RORB: variants seen among roughly 807,000 people sequenced by gnomAD.
The protein encoded by RORB is nuclear receptor ROR-beta.
RORB carries 6 observed loss-of-function variants against 59.1 expected under a neutral mutation model. The observed-to-expected ratio is 0.10, with a 90% CI of 0.06 to 0.20. The LOEUF is 0.20. Among genes scored for constraint, RORB ranks in the 10% least tolerant of loss-of-function variants. The pLI is 1.00. For synonymous variants in RORB, 215 were observed against 204.5 expected (o/e 1.05, Z -0.44); for missense variants, 320 against 560.5 (o/e 0.57, Z 4.33).
intron 1 of RORB, chr9:74,498,618 C>G (rs908435126): frequency 6.6e-6 from 1 of 152,492 alleles, no homozygotes; most frequent in Non-Finnish European, 1.5e-5. Flanking sequence ...TGCGCCCTGG[C>G]CAGGTCCTCG....
intron 1 of RORB, among the ~76,000 whole-genome samples, chr9:74,528,965 G>T (rs1373500461): frequency 6.6e-6 from 1 of 151,976 alleles, no homozygotes; most frequent in Non-Finnish European, 1.5e-5. Flanking sequence ...AGACCAGCAG[G>T]ATTCAAATTC....
chr9:74,578,327 G>A (rs754338979), intron 1 of RORB, among the ~76,000 whole-genome samples: 25 of 152,224 alleles, frequency 1.6e-4, no homozygotes, highest in Middle Eastern at 3.4e-3. Context: ...GAGAAAGAAA[G>A]CAGTAAATGT....
chr9:74,572,910 C>A (rs1383368991), intron 1 of RORB, among the ~76,000 whole-genome samples: 3 of 152,136 alleles, frequency 2.0e-5, no homozygotes, highest in South Asian at 2.1e-4. Context: ...GCATATCGAA[C>A]AACTGTTCCA....
intron 1 of RORB, among the ~76,000 whole-genome samples, chr9:74,582,923 G>A (rs1025921008): frequency 1.3e-5 from 2 of 152,130 alleles, no homozygotes; most frequent in African/African-American, 2.4e-5. Flanking sequence ...TTGTAGGAGG[G>A]ATAGAAAAGT....
chr9:74,515,765 A>G (rs947673757), intron 1 of RORB, among the ~76,000 whole-genome samples: 10 of 152,066 alleles, frequency 6.6e-5, no homozygotes, highest in African/African-American at 9.7e-5. Flanking sequence ...TTCCCAAATG[A>G]CATCTGTAAC....
chr9:74,522,405 C>A (rs1826096626), intron 1 of RORB, among the ~76,000 whole-genome samples: 2 of 151,714 alleles, frequency 1.3e-5, no homozygotes, highest in Non-Finnish European at 2.9e-5. Context: ...TAGAATTCAC[C>A]TTCTCTCCAG....
chr9:74,635,588 G>A (rs12352615), intron 3 of RORB, among the ~76,000 whole-genome samples: 5,696 of 152,176 alleles, frequency 0.037, 345 homozygotes, highest in African/African-American at 0.13. Context: ...GAATCCTGGG[G>A]CCATTTCTGT....
At chr9:74,520,364 GA>G (rs574989952) in intron 1 of RORB, among the ~76,000 whole-genome samples, 3 of 151,720 alleles carry the variant, frequency 2.0e-5, no homozygotes, top group Admixed American at 6.6e-5. Context: ...CTGACTGAAA[GA>G]AAAAAACAAC....
chr9:74,561,195 T>G (rs572526560), intron 1 of RORB, among the ~76,000 whole-genome samples: 2 of 152,214 alleles, frequency 1.3e-5, no homozygotes, highest in African/African-American at 4.8e-5. Flanking sequence ...ATTGAGTCTC[T>G]CCCCGAGATG....
chr9:74,563,272 A>G (rs1436434576), intron 1 of RORB, among the ~76,000 whole-genome samples: 1 of 146,904 alleles, frequency 6.8e-6, no homozygotes, highest in African/African-American at 2.5e-5. Context: ...TGCAACTTCC[A>G]ACTCCCAGAT....
At chr9:74,549,590 AAGG>A (rs1826567528) in intron 1 of RORB, among the ~76,000 whole-genome samples, 1 of 69,592 alleles carries the variant, frequency 1.4e-5, no homozygotes, top group Admixed American at 1.2e-4. Context: ...GGAAGGAAGG[AAGG>A]AAGGAAGGAA....
intron 1 of RORB, among the ~76,000 whole-genome samples, chr9:74,618,668 G>A (rs529609112): frequency 1.1e-4 from 16 of 152,110 alleles, no homozygotes; most frequent in Admixed American, 2.6e-4. Context: ...TCTCTACTGC[G>A]TCTATCAATG....
At chr9:74,538,728 C>CA (rs36123845) in intron 1 of RORB, among the ~76,000 whole-genome samples, 72,184 of 143,036 alleles carry the variant, frequency 0.5, 18,202 homozygotes, top group East Asian at 0.8. Context: ...GACAAAGATG[C>CA]AAAAAAAAAA....
At chr9:74,660,512 A>G in intron 4 of RORB, 105 bp from the exon 5 acceptor site, 1 of 940,510 alleles carries the variant, frequency 1.1e-6, no homozygotes, top group Non-Finnish European at 1.6e-6. Context: ...ACACTTTAAT[A>G]CAATAGGAGT....
intron 1 of RORB, among the ~76,000 whole-genome samples, chr9:74,514,515 A>G: frequency 6.6e-6 from 1 of 151,994 alleles, no homozygotes; most frequent in East Asian, 1.9e-4. Flanking sequence ...TCAAGTCCCT[A>G]AAGACAGGAT....
intron 1 of RORB, among the ~76,000 whole-genome samples, chr9:74,622,975 A>T (rs1823449173): frequency 6.6e-6 from 1 of 152,138 alleles, no homozygotes. Flanking sequence ...TGCCATAAAT[A>T]TCCATCATGA....
At position 74,611,670 on chromosome 9, in the gene RORB, A is replaced by T. The variant is rs147289917; in HGVS notation, c.8-18612A>T. On this transcript the variant is annotated intron_variant, in intron 1 of 9. Coordinates refer to ENST00000376896, the MANE Select transcript of RORB (RefSeq NM_006914.4). ...ATTTGTTTGTTTGTTTGTTTTTGAG[A>T]TGGAGTTTCGCTATTATTGCCCAGG... Among the ~76,000 whole-genome samples the T allele has an allele frequency of 8.0e-3, 1,213 of 152,230 alleles. 10 individuals carry two copies. Among genetic ancestry groups the T allele is most frequent in the Non-Finnish European group, 0.013 (887 of 68,020 alleles).
At chr9:74,674,411 C>T (rs774593909) in intron 9 of RORB, among the ~76,000 whole-genome samples, 1 of 152,164 alleles carries the variant, frequency 6.6e-6, no homozygotes, top group Non-Finnish European at 1.5e-5. Flanking sequence ...CCGGTGAAAT[C>T]GCCAGTAGGT....
intron 9 of RORB, among the ~76,000 whole-genome samples, chr9:74,679,817 T>C (rs1182932133): frequency 6.6e-6 from 1 of 152,104 alleles, no homozygotes; most frequent in Non-Finnish European, 1.5e-5. Context: ...CAAGTTGATG[T>C]ATTCATTAAG....
Sources: allele counts gnomAD v4.1 joint callset (sites outside exome capture counted in the v4.1 genomes callset), GRCh38; gene constraint gnomAD v4.1.1; transcripts MANE v1.5; gene names NCBI Gene and HGNC (gene_info 2026-07-23, HGNC 2026-07-21).